SLC24A2: variants seen among roughly 807,000 people sequenced by gnomAD.
SLC24A2 encodes solute carrier family 24 member 2.
A neutral mutation model predicts 62.0 loss-of-function variants in SLC24A2; 36 were observed. The ratio of observed to expected loss-of-function variants is 0.58; its 90% CI spans 0.44 to 0.77. The LOEUF (loss-of-function observed/expected upper bound fraction) is 0.77. Among genes scored for constraint, SLC24A2 ranks in the 30% least tolerant of loss-of-function variants. The probability of loss-of-function intolerance (pLI) is 0.00; values close to 1 mark genes in which losing one functional copy is unlikely to be tolerated. For missense variants in SLC24A2, 846 were observed against 817.9 expected (o/e 1.03, Z -0.42); for synonymous variants, 358 against 294.0 (o/e 1.22, Z -2.23).
At chr9:20,210,108 A>C in the SLC24A2 span, among the ~76,000 whole-genome samples, 1 of 152,130 alleles carries the variant, frequency 6.6e-6, no homozygotes, top group Non-Finnish European at 1.5e-5. Flanking sequence ...AGTTCTCTGA[A>C]GTTTACATTC....
chr9:19,932,615 G>C, the SLC24A2 span, among the ~76,000 whole-genome samples: 1 of 152,124 alleles, frequency 6.6e-6, no homozygotes, highest in Non-Finnish European at 1.5e-5. Context: ...TCACTTCGTG[G>C]GTATGTGGAA....
chr9:19,823,865 C>G, the SLC24A2 span, among the ~76,000 whole-genome samples: 1 of 152,104 alleles, frequency 6.6e-6, no homozygotes, highest in Admixed American at 6.5e-5. Flanking sequence ...AGAAATAACA[C>G]CACACATCTA....
chr9:20,305,357 G>A, the SLC24A2 span, among the ~76,000 whole-genome samples: 1 of 151,894 alleles, frequency 6.6e-6, no homozygotes, highest in Non-Finnish European at 1.5e-5. Context: ...CGACCCCCTC[G>A]GCCTCCCAAA....
chr9:19,812,909 G>A, the SLC24A2 span, among the ~76,000 whole-genome samples: 24 of 152,204 alleles, frequency 1.6e-4, no homozygotes, highest in Admixed American at 1.1e-3. Context: ...GGCTTTCAAC[G>A]AAGAGCCTGA....
the SLC24A2 span, among the ~76,000 whole-genome samples, chr9:20,110,831 AATACT>A: frequency 1.3e-5 from 2 of 152,224 alleles, no homozygotes; most frequent in Non-Finnish European, 2.9e-5. Flanking sequence ...TGAAAAACAC[AATACT>A]ATATTTCACC....
intron 2 of SLC24A2, among the ~76,000 whole-genome samples, chr9:19,678,374 C>G (rs1269811280): frequency 6.6e-6 from 1 of 152,226 alleles, no homozygotes; most frequent in Non-Finnish European, 1.5e-5. Flanking sequence ...TTGCATCTCA[C>G]TGGCATGCAT....
In SLC24A2 at chr9:19,762,562, G is replaced by C. The variant is rs549553546; in HGVS notation, c.930+23375C>G. On this transcript the variant is annotated intron_variant, in intron 2 of 10. Transcript: ENST00000341998. ...TTTTCCCAACACCATTTATTAAATA[G>C]GGAATTCTTCCCCCATTGCTTGTTT... Among the ~76,000 whole-genome samples the C allele has an allele frequency of 5.9e-4, 90 of 152,304 alleles. No homozygotes were observed. The Middle Eastern group carries it at 0.017, about 29-fold the overall frequency.
At position 19,786,130 on chromosome 9, in the gene SLC24A2, A is replaced by G. The variant is rs750538110; in HGVS notation, c.737T>C (p.Ile246Thr). 1 of 1,614,220 alleles carries G rather than the reference A, an allele frequency of 6.2e-7. No homozygotes were observed. ...WPLFRDVSFY[I>T]VDLIMLIIFF... ...TATGATCAGCATGATCAAGTCAACA[A>G]TGTAGAAAGACACATCTCGAAAGAG... is the stretch of plus-strand genomic sequence containing the variant. The change falls in exon 2 of 11, where the codon ATT (isoleucine) becomes ACT (threonine). Residue 246 changes from isoleucine (I) to threonine (T), a missense_variant. Coordinates refer to ENST00000341998, the MANE Select transcript of SLC24A2 (RefSeq NM_020344.4). The surrounding 1 kb of genome is among the most constrained non-coding windows in gnomAD (Gnocchi z 5.0).
At chr9:19,956,176 A>G in the SLC24A2 span, among the ~76,000 whole-genome samples, 1 of 152,204 alleles carries the variant, frequency 6.6e-6, no homozygotes. Flanking sequence ...CCAGATCTCA[A>G]ACAGATCCTA....
At chr9:20,253,441 A>G in the SLC24A2 span, among the ~76,000 whole-genome samples, 1 of 152,208 alleles carries the variant, frequency 6.6e-6, no homozygotes, top group Non-Finnish European at 1.5e-5. Context: ...TGTTTGTACC[A>G]TCTTACTTCC....
the SLC24A2 span, among the ~76,000 whole-genome samples, chr9:19,866,629 T>C: frequency 3.2e-4 from 9 of 28,304 alleles, no homozygotes; most frequent in Non-Finnish European, 7.7e-4. Context: ...TTTTCACTTT[T>C]TTTTTTTTTT....
chr9:19,893,610 A>C, the SLC24A2 span, among the ~76,000 whole-genome samples: 5 of 152,218 alleles, frequency 3.3e-5, no homozygotes, highest in African/African-American at 1.2e-4. Flanking sequence ...CCTTTCAACA[A>C]TTATAAAAAT....
Position 19,515,265 on chromosome 9 carries a change from C to T in SLC24A2, c.*888G>A, listed in dbSNP as rs560054852. 1 of 152,094 alleles carries T rather than the reference C, an allele frequency of 6.6e-6. No homozygotes were observed. The highest frequency in any genetic ancestry group is 1.9e-4 in the East Asian group (1 of 5,186). 9.4% of individuals were successfully genotyped at this position (152,094 alleles called of 1,614,324 possible). ...TAAGAACAAAACAAAACAACCCAAC[C>T]CTGGTTACCTCCCCACTTCCCCAAA... On this transcript the variant is annotated 3_prime_UTR_variant, in exon 11 of 11. Transcript: ENST00000341998.
At chr9:20,049,201 A>G in the SLC24A2 span, among the ~76,000 whole-genome samples, 1 of 149,098 alleles carries the variant, frequency 6.7e-6, no homozygotes, top group African/African-American at 2.5e-5. Flanking sequence ...AGTAGCCCAA[A>G]CAGGAAGGGG....
chr9:19,668,793 T>C (rs973783272), intron 2 of SLC24A2, among the ~76,000 whole-genome samples: 2 of 152,226 alleles, frequency 1.3e-5, no homozygotes, highest in African/African-American at 4.8e-5. Context: ...ATGATAGTTA[T>C]TCCTGCAAGA....
At chr9:19,699,773 G>A (rs1820302223) in intron 2 of SLC24A2, among the ~76,000 whole-genome samples, 1 of 152,034 alleles carries the variant, frequency 6.6e-6, no homozygotes, top group Admixed American at 6.6e-5. Flanking sequence ...TTTTCTGCAA[G>A]GAGATTCCAT....
intron 1 of SLC24A2, among the ~76,000 whole-genome samples, chr9:19,788,237 C>G (rs552806389): frequency 6.6e-6 from 1 of 152,358 alleles, no homozygotes; most frequent in South Asian, 2.1e-4. Flanking sequence ...CACGGAGATT[C>G]CCAGGTGGCT....
chr9:20,163,438 C>A, the SLC24A2 span, among the ~76,000 whole-genome samples: 28 of 152,120 alleles, frequency 1.8e-4, no homozygotes, highest in East Asian at 5.4e-3. Flanking sequence ...CGTGAAGGAC[C>A]TCTTCAAGGA....
intron 2 of SLC24A2, among the ~76,000 whole-genome samples, chr9:19,667,806 A>G (rs562295549): frequency 6.6e-6 from 1 of 152,222 alleles, no homozygotes; most frequent in East Asian, 1.9e-4. Flanking sequence ...GCAGCCTATC[A>G]ACAATACCGT....
Sources: gnomAD v4.1 joint callset for allele counts (sites outside exome capture counted in the v4.1 genomes callset) on GRCh38, gnomAD v4.1.1 for gene constraint, Gnocchi (gnomAD v3.1) non-coding constraint, MANE v1.5 for transcripts, NCBI Gene and HGNC (gene_info 2026-07-23, HGNC 2026-07-21) for gene names.